UIMC1: variants seen among roughly 807,000 people sequenced by gnomAD.
UIMC1 encodes ubiquitin interaction motif containing 1.
In UIMC1, 42 loss-of-function variants were observed where a neutral mutation model predicts 84.9. The ratio of observed to expected loss-of-function variants is 0.49; its 90% CI spans 0.39 to 0.64. The LOEUF is 0.64. Among genes scored for constraint, UIMC1 ranks in the 30% least tolerant of loss-of-function variants. UIMC1 has a pLI of 0.00. For synonymous variants in UIMC1, 281 were observed against 293.0 expected (o/e 0.96, Z 0.42); for missense variants, 825 against 847.6 (o/e 0.97, Z 0.33).
intron 1 of UIMC1, among the ~76,000 whole-genome samples, chr5:177,016,043 G>A (rs1034312553): frequency 2.6e-5 from 4 of 151,828 alleles, no homozygotes; most frequent in African/African-American, 9.7e-5. Flanking sequence ...TTCCAGTCTG[G>A]GCAACAGAAG....
intron 2 of UIMC1, among the ~76,000 whole-genome samples, chr5:176,978,602 T>C (rs1440308874): frequency 6.6e-6 from 1 of 151,546 alleles, no homozygotes; most frequent in African/African-American, 2.4e-5. Context: ...GCACTAGGAG[T>C]ACAGATGCAA....
At chr5:176,906,981 A>G in intron 13 of UIMC1, 133 bp downstream of exon 13, 1 of 794,766 alleles carries the variant, frequency 1.3e-6, no homozygotes, top group Non-Finnish European at 2.0e-6. Flanking sequence ...ACCTAGATTG[A>G]GTCTCAAAGG....
At chr5:176,992,614 T>C (rs896927424) in intron 1 of UIMC1, among the ~76,000 whole-genome samples, 1 of 151,266 alleles carries the variant, frequency 6.6e-6, no homozygotes, top group Non-Finnish European at 1.5e-5. Context: ...CTGGGCAAAA[T>C]AGCAAGGCCT....
At chr5:177,007,171 T>C (rs1775381430), upstream of UIMC1, among the ~76,000 whole-genome samples, 1 of 151,794 alleles carries the variant, frequency 6.6e-6, no homozygotes, top group Admixed American at 6.6e-5. Context: ...AGAAACCCCT[T>C]CTGTACTAAA....
At chr5:176,969,540 T>C in intron 5 of UIMC1, 61 bp downstream of exon 5, 5 of 1,536,372 alleles carry the variant, frequency 3.3e-6, no homozygotes, top group South Asian at 1.1e-5. Flanking sequence ...ACTCTCAGCA[T>C]GAGATCCCTG....
chr5:176,908,051 TAA>T (rs1192921607), intron 12 of UIMC1, among the ~76,000 whole-genome samples: 4 of 152,200 alleles, frequency 2.6e-5, no homozygotes, highest in Admixed American at 2.0e-4. Context: ...CACTACATCT[TAA>T]GTTTTCATAA....
chr5:176,959,808 G>T (rs1006823036), intron 6 of UIMC1, among the ~76,000 whole-genome samples: 25 of 152,052 alleles, frequency 1.6e-4, no homozygotes, highest in African/African-American at 6.0e-4. Flanking sequence ...AAGGTGGGCG[G>T]ATCACCTGAG....
At chr5:176,960,912 C>CG (rs1416910724) in intron 6 of UIMC1, among the ~76,000 whole-genome samples, 2 of 56,540 alleles carry the variant, frequency 3.5e-5, no homozygotes, top group Non-Finnish European at 6.4e-5. Context: ...GGATTGCAGA[C>CG]GGAGTCTCGT....
Position 176,968,867 on chromosome 5 carries a change from A to T in UIMC1, c.888T>A (p.Ile296=). The change falls in exon 6 of 15, where the codon ATT becomes ATA. Residue 296 remains isoleucine, a synonymous_variant. Coordinates refer to ENST00000511320, the MANE Select transcript of UIMC1 (RefSeq NM_001199298.2). ...GVDPNQYTKV[I]LCQLEVYQKS... ...TTTGATAAACCTCCAACTGGCAGAG[A>T]ATGACCTTGGTATACTGGTTAGGGT... 6.2e-7 allele frequency: 1 copy of T among 1,614,162 alleles called. No homozygotes were observed. Among genetic ancestry groups the T allele is most frequent in the South Asian group, 1.1e-5 (1 of 91,086 alleles).
chr5:176,974,297 G>A (rs1769720798), intron 3 of UIMC1, among the ~76,000 whole-genome samples: 1 of 152,052 alleles, frequency 6.6e-6, no homozygotes, highest in Admixed American at 6.6e-5. Context: ...CACAAGGAAA[G>A]GACAGTCTTT....
chr5:176,922,559 T>C (rs954886123), intron 10 of UIMC1, among the ~76,000 whole-genome samples: 1 of 152,242 alleles, frequency 6.6e-6, no homozygotes, highest in African/African-American at 2.4e-5. Context: ...CAGAATACTG[T>C]ATTTTCTTTC....
At chr5:176,939,678 G>C (rs1241495036) in intron 10 of UIMC1, among the ~76,000 whole-genome samples, 1 of 152,126 alleles carries the variant, frequency 6.6e-6, no homozygotes. Flanking sequence ...TATGATGTTT[G>C]CACAACAAAA....
Position 176,979,783 on chromosome 5 carries a change from A to C in UIMC1, c.147+2686T>G, listed in dbSNP as rs112735072. ...GTATGACATATGTGCTGCTATAGAAAGGTCTCCCGGAAATACTATAATGGT... is the reference window on the plus strand; with the variant it reads ...GTATGACATATGTGCTGCTATAGAACGGTCTCCCGGAAATACTATAATGGT... On this transcript the variant is annotated intron_variant, in intron 2 of 14. Coordinates refer to ENST00000511320, the MANE Select transcript of UIMC1 (RefSeq NM_001199298.2). Among the ~76,000 whole-genome samples, 1,456 of 152,284 alleles carry C rather than the reference A, an allele frequency of 9.6e-3. 32 individuals carry two copies. The highest frequency in any genetic ancestry group is 0.033 in the African/African-American group (1,376 of 41,558).
At chr5:176,955,088 A>C (rs938600039) in intron 8 of UIMC1, among the ~76,000 whole-genome samples, 7 of 152,202 alleles carry the variant, frequency 4.6e-5, no homozygotes, top group African/African-American at 1.7e-4. Context: ...AAAGGAAAAT[A>C]TAGTCTAAAA....
rs761190425 is a variant in UIMC1 at position 176,906,083 on chromosome 5, T to C, written c.1913-36A>G. The C allele has an allele frequency of 5.0e-6, 8 of 1,600,042 alleles. No homozygotes were observed. In the Admixed American group the frequency reaches 1.3e-4, roughly 27 times the overall value. On this transcript the variant is annotated intron_variant, in intron 13 of 14. Coordinates refer to ENST00000511320, the MANE Select transcript of UIMC1 (RefSeq NM_001199298.2). ...AAAGAAAAAATAATAATGTTGGTAG[T>C]AGTGTTGGTAATCATAGCACTTCTC...
chr5:176,919,572 G>T (rs544760397), intron 10 of UIMC1, among the ~76,000 whole-genome samples: 1 of 152,214 alleles, frequency 6.6e-6, no homozygotes, highest in South Asian at 2.1e-4. Flanking sequence ...TCCTGCCTCA[G>T]CCTCCCAAGT....
chr5:176,991,537 G>A (rs1772829438), intron 1 of UIMC1, among the ~76,000 whole-genome samples: 1 of 150,442 alleles, frequency 6.6e-6, no homozygotes, highest in South Asian at 2.1e-4. Context: ...TGACCAACAT[G>A]GAGAAATCCC....
In UIMC1 at chr5:176,975,570, C is replaced by A. The variant is rs1228034669; in HGVS notation, c.148-90G>T. 6 of 1,234,678 alleles carry A rather than the reference C, an allele frequency of 4.9e-6. No homozygotes were observed. The African/African-American group carries it at 7.5e-5, about 16-fold the overall frequency. The allele number at this position is 1,234,678 out of a possible 1,614,324, so 76.5% of individuals were successfully genotyped here. On this transcript the variant is annotated intron_variant, in intron 2 of 14. Transcript: ENST00000511320. The stretch of plus-strand genomic sequence containing the variant: ...TACCTCCCCTATGGCTAAGAGAGGC[C>A]TCTGAGGAATTGGTGATTGTTATAA...
At chr5:176,921,160 C>T (rs1017783106) in intron 10 of UIMC1, among the ~76,000 whole-genome samples, 1 of 152,206 alleles carries the variant, frequency 6.6e-6, no homozygotes, top group African/African-American at 2.4e-5. Context: ...CACTCTTCCA[C>T]CACCAAAAGT....
Sources: gnomAD v4.1 joint callset for allele counts (sites outside exome capture counted in the v4.1 genomes callset) on GRCh38, gnomAD v4.1.1 for gene constraint, MANE v1.5 for transcripts, NCBI Gene and HGNC (gene_info 2026-07-23, HGNC 2026-07-21) for gene names.